The following DMD variants were observed in gnomAD, a reference collection of about 807,000 sequenced individuals.
The protein encoded by DMD is mutant dystrophin.
In DMD, 63 loss-of-function variants were observed where a neutral mutation model predicts 330.1. The observed-to-expected ratio is 0.19, with a 90% CI of 0.16 to 0.24. The LOEUF is 0.24. Among genes scored for constraint, DMD ranks in the 10% least tolerant of loss-of-function variants. The pLI, the probability that DMD is intolerant of heterozygous loss-of-function variation, is 1.00. For synonymous variants in DMD, 1,223 were observed against 959.8 expected (o/e 1.27, Z -5.07); for missense variants, 3,344 against 2,684.1 (o/e 1.25, Z -5.43).
rs1569561676 is a variant in DMD at position 32,411,735 on chromosome X, T to G, written c.4233+17A>C. The G allele has an allele frequency of 8.3e-7, 1 of 1,209,452 alleles. No individual in the cohort carries two copies. Among genetic ancestry groups the G allele is most frequent in the Non-Finnish European group, 1.1e-6 (1 of 893,676 alleles). On this transcript the variant is annotated intron_variant, in intron 30 of 78. Transcript: ENST00000357033. ...ATAAAAACAAAAGAATGGAAGCTGA[T>G]TCCCAGATGTACTTGCCTGGGCTTC...
intron 42 of DMD, among the ~76,000 whole-genome samples, chrX:32,301,635 C>T (rs570660477): frequency 3.6e-5 from 4 of 110,703 alleles, no homozygotes; most frequent in African/African-American, 9.8e-5. Context: ...TAAATACAAA[C>T]TAACTTTTTT....
At chrX:31,847,816 G>A (rs1288401699) in intron 48 of DMD, among the ~76,000 whole-genome samples, 1 of 111,823 alleles carries the variant, frequency 8.9e-6, no homozygotes, top group Non-Finnish European at 1.9e-5. Flanking sequence ...ATATTAACAA[G>A]CTACAGTTGC....
At chrX:32,678,019 C>T (rs1024753010) in intron 9 of DMD, among the ~76,000 whole-genome samples, 12 of 111,982 alleles carry the variant, frequency 1.1e-4, no homozygotes, top group Admixed American at 9.5e-4. Flanking sequence ...ACAAATACTT[C>T]ATGATTCTAC....
rs1480407528 is a variant in DMD, at chrX:31,119,612, C to G, written c.*2307G>C. On this transcript the variant is annotated 3_prime_UTR_variant, in exon 79 of 79. Coordinates refer to ENST00000357033, the MANE Select transcript of DMD (RefSeq NM_004006.3). ...CAGACTCACTCCAGAGCTAATGTGT[C>G]TAAAAGAAAAACAAAAAGATTAAAA... 2 of 112,313 alleles carry G rather than the reference C, an allele frequency of 1.8e-5. No individual in the cohort carries two copies. The highest frequency in any genetic ancestry group is 1.9e-5 in the Non-Finnish European group (1 of 53,103). The allele number at this position is 112,313 out of a possible 1,213,427, so 9.3% of individuals were successfully genotyped here.
At chrX:32,622,870 C>A (rs916267655) in intron 11 of DMD, among the ~76,000 whole-genome samples, 1 of 111,845 alleles carries the variant, frequency 8.9e-6, no homozygotes, top group Non-Finnish European at 1.9e-5. Flanking sequence ...TCAGTTCTAA[C>A]CAGCTTCCAG....
At chrX:31,455,923 G>C (rs1459349239) in intron 59 of DMD, among the ~76,000 whole-genome samples, 1 of 111,747 alleles carries the variant, frequency 8.9e-6, no homozygotes, top group African/African-American at 3.3e-5. Flanking sequence ...TCCAGCCTGG[G>C]CTCTACTACC....
rs186336546 is a variant in DMD, at chrX:32,710,321, A to C, written c.650-11028T>G. On this transcript the variant is annotated intron_variant, in intron 7 of 78. Coordinates refer to ENST00000357033, the MANE Select transcript of DMD (RefSeq NM_004006.3). ...CATTTTGTGACCTTGGATAAAGTTA[A>C]GCATAATGCACCTCAGCTTCCTATT... Among the ~76,000 whole-genome samples the C allele has an allele frequency of 8.8e-4, 98 of 110,974 alleles. 1 individual carries two copies. The East Asian group carries it at 0.026, about 30-fold the overall frequency.
intron 51 of DMD, among the ~76,000 whole-genome samples, chrX:31,733,234 A>G (rs903023487): frequency 9.8e-4 from 110 of 111,796 alleles, no homozygotes; most frequent in African/African-American, 3.4e-3. Flanking sequence ...CCTATGAAAT[A>G]GGAAGTTAAA....
chrX:32,386,160 A>G, intron 33 of DMD, 150 bp downstream of exon 33: 1 of 548,529 alleles, frequency 1.8e-6, no homozygotes, highest in Admixed American at 2.5e-5. Context: ...ATATACGTAT[A>G]TGTGTGTATA....
chrX:32,911,078 C>CTA (rs1436953189), intron 2 of DMD, among the ~76,000 whole-genome samples: 1 of 112,096 alleles, frequency 8.9e-6, no homozygotes, highest in East Asian at 2.8e-4. Flanking sequence ...TAAAAGTGGT[C>CTA]TATATATTTA....
rs1438067567 is a variant in DMD at position 32,352,319 on chromosome X, T to C, written c.5326-3791A>G. Among the ~76,000 whole-genome samples the C allele has an allele frequency of 2.7e-5, 3 of 110,775 alleles. No homozygotes were observed. The East Asian group carries it at 8.4e-4, about 31-fold the overall frequency. On this transcript the variant is annotated intron_variant, in intron 37 of 78. Coordinates refer to ENST00000357033, the MANE Select transcript of DMD (RefSeq NM_004006.3). ...GAACTTTTATAGTAGTGCAGCTCAA[T>C]AGAAATATAATACATGCCATATATG...
At chrX:31,864,558 T>G (rs2093767051) in intron 48 of DMD, among the ~76,000 whole-genome samples, 1 of 104,897 alleles carries the variant, frequency 9.5e-6, no homozygotes, top group Admixed American at 1.0e-4. Flanking sequence ...GGTGTGATCT[T>G]GGCTCACTGC....
chrX:32,836,295 G>A (rs1388119987), intron 4 of DMD, among the ~76,000 whole-genome samples: 1 of 110,299 alleles, frequency 9.1e-6, no homozygotes, highest in African/African-American at 3.3e-5. Flanking sequence ...GCCTCCCAAA[G>A]TGCTGGGATT....
chrX:31,774,074 G>C lies in DMD; in HGVS notation c.7428C>G (p.Asn2476Lys). Residue 2476 changes from asparagine (N) to lysine (K), a missense_variant, in exon 51 of 79, where the codon AAC becomes AAG. By Grantham distance (94) the Asn-to-Lys change is moderately conservative (BLOSUM62 0). Transcript: ENST00000357033. ...AGTCGGTAAGTTCTGTCCAAGCCCG[G>C]TTGAAATCTGCCAGAGCAGGTACCT... is the stretch of plus-strand genomic sequence containing the variant. The part of the protein sequence containing the change: ...MLEVPALADF[N>K]RAWTELTDWL... 1 of 1,210,717 alleles carries C rather than the reference G, an allele frequency of 8.3e-7. No homozygotes were observed. Among genetic ancestry groups the C allele is most frequent in the Non-Finnish European group, 1.1e-6 (1 of 895,078 alleles).
chrX:32,655,783 T>C (rs2147007250), intron 9 of DMD, among the ~76,000 whole-genome samples: 1 of 111,437 alleles, frequency 9.0e-6, no homozygotes, highest in Admixed American at 9.5e-5. Flanking sequence ...TAAGTCTCTT[T>C]GTAGGTCTAT....
intron 17 of DMD, among the ~76,000 whole-genome samples, chrX:32,530,137 T>C (rs1470826458): frequency 8.9e-6 from 1 of 112,285 alleles, no homozygotes; most frequent in African/African-American, 3.2e-5. Flanking sequence ...GCACAAAATA[T>C]TGTCCTTAAA....
intron 30 of DMD, among the ~76,000 whole-genome samples, chrX:32,393,098 T>A (rs141343209): frequency 2.6e-3 from 288 of 112,341 alleles, no homozygotes; most frequent in Non-Finnish European, 4.4e-3. Context: ...CAGGCATTAG[T>A]CCCTTCTTGA....
intron 1 of DMD, among the ~76,000 whole-genome samples, chrX:33,142,740 G>A (rs1358576531): frequency 1.8e-5 from 2 of 112,362 alleles, no homozygotes; most frequent in Non-Finnish European, 3.8e-5. Flanking sequence ...AGATGTCTGA[G>A]TTAATTTAAT....
At chrX:32,401,357 T>C (rs896424477) in intron 30 of DMD, among the ~76,000 whole-genome samples, 1 of 111,631 alleles carries the variant, frequency 9.0e-6, no homozygotes, top group Non-Finnish European at 1.9e-5. Flanking sequence ...ATATGGTACC[T>C]ATACACAATA....
Sources: gnomAD v4.1 joint callset for allele counts (sites outside exome capture counted in the v4.1 genomes callset) on GRCh38, gnomAD v4.1.1 for gene constraint, MANE v1.5 for transcripts, NCBI Gene and HGNC (gene_info 2026-07-23, HGNC 2026-07-21) for gene names.